The following EIF4G3 variants were observed in gnomAD, a reference collection of about 807,000 sequenced individuals.
EIF4G3 encodes eukaryotic translation initiation factor 4 gamma 3.
A neutral mutation model predicts 186.4 loss-of-function variants in EIF4G3; 34 were observed. That is an observed-to-expected ratio of 0.18 (90% CI 0.14 to 0.24). The LOEUF (loss-of-function observed/expected upper bound fraction) is 0.24, where lower values mean the gene tolerates loss of function less well. Among genes scored for constraint, EIF4G3 ranks in the 10% least tolerant of loss-of-function variants. The pLI is 1.00. For missense variants in EIF4G3, 1,536 were observed against 1,948.5 expected (o/e 0.79, Z 3.99); for synonymous variants, 673 against 679.5 (o/e 0.99, Z 0.15).
At chr1:20,858,678 T>G (rs531884100) in intron 24 of EIF4G3, among the ~76,000 whole-genome samples, 2 of 152,310 alleles carry the variant, frequency 1.3e-5, no homozygotes, top group African/African-American at 4.8e-5. Flanking sequence ...TTTGAGTGCC[T>G]TGTTAAGTGA....
At chr1:20,874,253 G>A (rs1238447202) in intron 20 of EIF4G3, among the ~76,000 whole-genome samples, 3 of 152,104 alleles carry the variant, frequency 2.0e-5, no homozygotes, top group African/African-American at 7.2e-5. Flanking sequence ...CTAGATCCTT[G>A]AGGAATCGTC....
rs1203450036 is a variant in EIF4G3 at position 20,815,356 on chromosome 1, G to A, written c.4515+2036C>T. Among the ~76,000 whole-genome samples, 13 of 127,190 alleles carry A rather than the reference G, an allele frequency of 1.0e-4. No homozygotes were observed. The East Asian group carries it at 2.8e-3, about 27-fold the overall frequency. 83.4% of individuals were successfully genotyped at this position (127,190 alleles called of 152,430 possible). On this transcript the variant is annotated intron_variant, in intron 34 of 36. Transcript: ENST00000602326. ...AAGTTAGGAGCGTCTCTGCCCGGCT[G>A]CCATCCCATCTAGGAAGTGAGGAGC...
chr1:20,863,691 G>A (rs1405318225), intron 22 of EIF4G3, among the ~76,000 whole-genome samples: 2 of 151,250 alleles, frequency 1.3e-5, no homozygotes, highest in Non-Finnish European at 2.9e-5. Context: ...TGATCTGCCC[G>A]CCTCAGCCTC....
intron 14 of EIF4G3, among the ~76,000 whole-genome samples, chr1:20,920,351 A>G (rs1432473843): frequency 6.6e-6 from 1 of 152,200 alleles, no homozygotes; most frequent in East Asian, 1.9e-4. Flanking sequence ...TTTTATTCAC[A>G]TTCTTTTTTA....
At chr1:20,852,923 C>T (rs1487388058) in intron 27 of EIF4G3, among the ~76,000 whole-genome samples, 1 of 151,924 alleles carries the variant, frequency 6.6e-6, no homozygotes, top group East Asian at 1.9e-4. Context: ...TCGCTTGAGA[C>T]CAGGAGTTCA....
At chr1:21,018,688 C>A (rs530067119) in intron 4 of EIF4G3, among the ~76,000 whole-genome samples, 176 of 152,262 alleles carry the variant, frequency 1.2e-3, no homozygotes, top group Admixed American at 2.2e-3. Flanking sequence ...GGGAGTTGAT[C>A]TCTCATGAAT....
chr1:21,134,292 G>A (rs1472357971), intron 2 of EIF4G3, among the ~76,000 whole-genome samples: 1 of 152,108 alleles, frequency 6.6e-6, no homozygotes, highest in Non-Finnish European at 1.5e-5. Context: ...TCAAAATTGA[G>A]ATTTAATAAT....
chr1:21,173,027 T>G (rs529066678), intron 2 of EIF4G3, among the ~76,000 whole-genome samples: 1 of 148,504 alleles, frequency 6.7e-6, no homozygotes, highest in African/African-American at 2.5e-5. Flanking sequence ...TAGTCCCAAC[T>G]ACTCAGGAGG....
At chr1:21,163,863 C>G (rs2097805325) in intron 2 of EIF4G3, among the ~76,000 whole-genome samples, 1 of 152,174 alleles carries the variant, frequency 6.6e-6, no homozygotes. Flanking sequence ...CCTCCGCCAC[C>G]TGAGTTCAAG....
chr1:21,089,600 A>G (rs1330499652), intron 2 of EIF4G3, among the ~76,000 whole-genome samples: 1 of 152,168 alleles, frequency 6.6e-6, no homozygotes, highest in East Asian at 1.9e-4. Flanking sequence ...CCAAGAGTTC[A>G]AGACAAGCCT....
intron 2 of EIF4G3, among the ~76,000 whole-genome samples, chr1:21,133,471 C>T (rs1490691562): frequency 6.6e-6 from 1 of 152,266 alleles, no homozygotes; most frequent in Non-Finnish European, 1.5e-5. Context: ...GTGATCCGCC[C>T]ACCCCGGCCT....
At chr1:21,130,801 G>T (rs1034819878) in intron 2 of EIF4G3, among the ~76,000 whole-genome samples, 1 of 152,010 alleles carries the variant, frequency 6.6e-6, no homozygotes, top group Non-Finnish European at 1.5e-5. Context: ...CAGTGAAAAA[G>T]GAGACAACAT....
In EIF4G3 at chr1:20,892,544, T is replaced by G; in HGVS notation, c.2253+973A>C. On this transcript the variant is annotated intron_variant, in intron 18 of 36. Transcript: ENST00000602326. ...AAAATTTTGACTTAACAATCAATAGTAAATAAAAAGAGCGTAACAGAAAAT... is the reference window on the plus strand; with the variant it reads ...AAAATTTTGACTTAACAATCAATAGGAAATAAAAAGAGCGTAACAGAAAAT... 6 of 1,089,654 alleles carry G rather than the reference T, an allele frequency of 5.5e-6. 1 individual carries two copies. In the South Asian group the frequency reaches 8.0e-5, roughly 15 times the overall value. The allele number at this position is 1,089,654 out of a possible 1,614,324, so 67.5% of individuals were successfully genotyped here.
chr1:20,837,700 T>C (rs2067170675), intron 30 of EIF4G3, among the ~76,000 whole-genome samples: 1 of 152,260 alleles, frequency 6.6e-6, no homozygotes, highest in African/African-American at 2.4e-5. Context: ...AAAGACAGGG[T>C]ATCTTCATGG....
At position 20,980,467 on chromosome 1, in the gene EIF4G3, G is replaced by C. The variant is rs767530073; in HGVS notation, c.379-19C>G. 1 of 1,483,932 alleles carries C rather than the reference G, an allele frequency of 6.7e-7. No homozygotes were observed. The highest frequency in any genetic ancestry group is 1.3e-5 in the South Asian group (1 of 78,550). 91.9% of individuals were successfully genotyped at this position (1,483,932 alleles called of 1,614,324 possible). A position where few individuals can be genotyped will look rare whatever the true frequency, so the allele number is the denominator to read the frequency against. ...GACGGTACTAGAAAAGAGAAAGTAT[G>C]AATATTTATAAATAATATGGTATCT... is the stretch of plus-strand genomic sequence containing the variant. On this transcript the variant is annotated intron_variant, in intron 9 of 36. Coordinates refer to ENST00000602326, the MANE Select transcript of EIF4G3 (RefSeq NM_001391906.1).
chr1:20,978,586 T>A (rs2077317351), intron 10 of EIF4G3, among the ~76,000 whole-genome samples: 1 of 151,608 alleles, frequency 6.6e-6, no homozygotes, highest in African/African-American at 2.4e-5. Flanking sequence ...CTGCTTCATG[T>A]CACCAGGGAT....
chr1:21,009,002 T>C (rs2086158059), intron 4 of EIF4G3, among the ~76,000 whole-genome samples: 1 of 152,214 alleles, frequency 6.6e-6, no homozygotes, highest in Non-Finnish European at 1.5e-5. Flanking sequence ...TGCAAATCTA[T>C]CTCTATCATC....
chr1:20,899,283 T>C (rs115669539), intron 16 of EIF4G3, among the ~76,000 whole-genome samples: 1,543 of 152,318 alleles, frequency 0.01, 28 homozygotes, highest in African/African-American at 0.035. Context: ...AATACATTGT[T>C]TCAGAATTCA....
At position 20,959,597 on chromosome 1, in the gene EIF4G3, T is replaced by C. The variant is rs527899909; in HGVS notation, c.715-9486A>G. 5.3e-5 allele frequency among the ~76,000 whole-genome samples: 8 copies of C among 150,228 alleles called. No homozygotes were observed. In the South Asian group the frequency reaches 1.3e-3, roughly 24 times the overall value. ...AACAATAGAGTAAAAAGACAACCCA[T>C]AGAGATGCAAACTACACATCTGATG... On this transcript the variant is annotated intron_variant, in intron 12 of 36. Transcript: ENST00000602326.
Sources: gnomAD v4.1 joint callset for allele counts (sites outside exome capture counted in the v4.1 genomes callset) on GRCh38, gnomAD v4.1.1 for gene constraint, MANE v1.5 for transcripts, NCBI Gene and HGNC (gene_info 2026-07-23, HGNC 2026-07-21) for gene names.